The following DDX60 variants were observed in gnomAD, a reference collection of about 807,000 sequenced individuals.
DDX60 encodes the protein probable ATP-dependent RNA helicase DDX60.
In DDX60, 165 loss-of-function variants were observed where a neutral mutation model predicts 212.8. The ratio of observed to expected loss-of-function variants is 0.78; its 90% CI spans 0.68 to 0.88. The LOEUF is 0.88. Among genes scored for constraint, DDX60 ranks in the 40% least tolerant of loss-of-function variants. DDX60 has a pLI of 0.00. For synonymous variants in DDX60, 703 were observed against 685.3 expected, an observed-to-expected ratio of 1.03 and a Z score of -0.40; for missense variants, 1,905 against 2,003.9, an observed-to-expected ratio of 0.95 and a Z score of 0.94.
At chr4:168,250,688 G>A (rs985473964) in intron 28 of DDX60, among the ~76,000 whole-genome samples, 5 of 102,356 alleles carry the variant, frequency 4.9e-5, no homozygotes, top group Non-Finnish European at 9.7e-5. Flanking sequence ...ACCACGCCCG[G>A]CTAATTTTTG....
intron 26 of DDX60, 98 bp from the exon 27 acceptor site, chr4:168,252,754 G>T: frequency 1.2e-6 from 1 of 842,122 alleles, no homozygotes; most frequent in Non-Finnish European, 1.8e-6. Context: ...GACTTCCCAA[G>T]TCAGTCTTCT....
At chr4:168,256,564 C>T (rs1734420062) in intron 25 of DDX60, among the ~76,000 whole-genome samples, 1 of 152,142 alleles carries the variant, frequency 6.6e-6, no homozygotes, top group South Asian at 2.1e-4. Flanking sequence ...AGACAAATGG[C>T]TGCAGATCAA....
Position 168,258,527 on chromosome 4 carries a change from ATCC to A in DDX60, c.3398+2335_3398+2337del, listed in dbSNP as rs766972641. Among the ~76,000 whole-genome samples the A allele has an allele frequency of 2.0e-5, 3 of 152,224 alleles. 1 individual carries two copies. Among genetic ancestry groups the A allele is most frequent in the South Asian group, 4.1e-4 (2 of 4,826 alleles). On this transcript the variant is annotated intron_variant, in intron 25 of 37. Transcript: ENST00000393743. ...AGAGGTAAAACTTGAGCCCAGAAAA[ATCC>A]TCAGATCTCTTGATGATCTGGGATC...
intron 30 of DDX60, 104 bp downstream of exon 30, chr4:168,246,314 T>G: frequency 2.3e-6 from 3 of 1,316,116 alleles, no homozygotes. Flanking sequence ...AAAAGACTGA[T>G]GAAACTCAAG....
intron 5 of DDX60, among the ~76,000 whole-genome samples, chr4:168,304,754 C>T (rs1736803343): frequency 6.6e-6 from 1 of 151,992 alleles, no homozygotes; most frequent in South Asian, 2.1e-4. Flanking sequence ...TGTGTTTGTA[C>T]AGCTGTCAAA....
intron 6 of DDX60, among the ~76,000 whole-genome samples, chr4:168,299,157 C>CAAAAAAAAAAAAAAAAAAAA (rs1197872492): frequency 1.6e-5 from 1 of 61,924 alleles, no homozygotes; most frequent in Non-Finnish European, 2.9e-5. Flanking sequence ...GAGACTGTCT[C>CAAAAAAAAAAAAAAAAAAAA]AAAAAAAAAA....
upstream of DDX60, among the ~76,000 whole-genome samples, chr4:168,322,837 G>A (rs567662641): frequency 6.6e-5 from 10 of 152,312 alleles, 1 homozygote; most frequent in East Asian, 1.9e-3. Flanking sequence ...GGAGCAAAGT[G>A]AAAAAGCAGG....
intron 24 of DDX60, 63 bp downstream of exon 24, chr4:168,261,937 T>G: frequency 6.5e-7 from 1 of 1,535,656 alleles, no homozygotes; most frequent in Non-Finnish European, 8.7e-7. Flanking sequence ...TGGTATTAAC[T>G]GAATGATATA....
At chr4:168,317,921 C>T (rs1034561400) in intron 1 of DDX60, among the ~76,000 whole-genome samples, 1 of 152,156 alleles carries the variant, frequency 6.6e-6, no homozygotes, top group African/African-American at 2.4e-5. Context: ...CTTCCAACAA[C>T]CTGAATGAGC....
chr4:168,267,150 A>C (rs1474964403), intron 22 of DDX60, among the ~76,000 whole-genome samples: 1 of 152,190 alleles, frequency 6.6e-6, no homozygotes, highest in Non-Finnish European at 1.5e-5. Context: ...CACCAAAAAA[A>C]TCATGTCGTG....
chr4:168,278,549 G>A (rs940452185), intron 14 of DDX60, among the ~76,000 whole-genome samples: 1 of 152,190 alleles, frequency 6.6e-6, no homozygotes, highest in Admixed American at 6.5e-5. Context: ...AGCGGGCCGG[G>A]CTCAGTGGCT....
intron 10 of DDX60, among the ~76,000 whole-genome samples, chr4:168,286,427 T>C (rs1320063365): frequency 4.3e-3 from 188 of 43,298 alleles, no homozygotes; most frequent in African/African-American, 0.028. Context: ...CCACACGAGA[T>C]AGATAGATAG....
chr4:168,217,029 A>C lies in DDX60; in HGVS notation c.5043T>G (p.Val1681=). 1 of 1,602,240 alleles carries C rather than the reference A, an allele frequency of 6.2e-7. No individual in the cohort carries two copies. Among genetic ancestry groups the C allele is most frequent in the Non-Finnish European group, 8.5e-7 (1 of 1,175,444 alleles). Residue 1681 remains valine (V), a synonymous_variant, in exon 38 of 38, where the codon GTT becomes GTG. Transcript: ENST00000393743. ...CATTTTCACATAGCTCACGCAAGGAAACACTGGAAATGGGGAAAAAAATAT... is the reference window on the plus strand; with the variant it reads ...CATTTTCACATAGCTCACGCAAGGACACACTGGAAATGGGGAAAAAAATAT... The part of the protein sequence containing the change: ...DFALTIKSIS[V]SLRELCENED...
intron 29 of DDX60, 111 bp from the exon 30 acceptor site, chr4:168,246,729 T>C (rs1351445688): frequency 8.8e-7 from 1 of 1,135,164 alleles, no homozygotes; most frequent in African/African-American, 1.5e-5. Flanking sequence ...TGCATATGTC[T>C]AACCATTAAG....
At chr4:168,223,379 G>A (rs1733133369) in intron 35 of DDX60, among the ~76,000 whole-genome samples, 1 of 152,012 alleles carries the variant, frequency 6.6e-6, no homozygotes, top group African/African-American at 2.4e-5. Flanking sequence ...TTTGTATAAA[G>A]TGAGTTGGGT....
At chr4:168,274,135 A>C in intron 16 of DDX60, 52 bp from the exon 17 acceptor site, 1 of 1,607,008 alleles carries the variant, frequency 6.2e-7, no homozygotes. Context: ...GTATGTTACC[A>C]AAACAAAGAC....
intron 26 of DDX60, 83 bp from the exon 27 acceptor site, chr4:168,252,739 C>T: frequency 2.1e-6 from 2 of 971,452 alleles, no homozygotes; most frequent in Non-Finnish European, 1.5e-6. Context: ...CCAGAGGATG[C>T]CCAAGACTTC....
At chr4:168,312,271 T>A (rs919113696) in intron 1 of DDX60, among the ~76,000 whole-genome samples, 2 of 152,166 alleles carry the variant, frequency 1.3e-5, no homozygotes, top group African/African-American at 2.4e-5. Flanking sequence ...GCGGCATTTG[T>A]GAACCACCTG....
chr4:168,320,790 G>A (rs1428747979), upstream of DDX60, among the ~76,000 whole-genome samples: 3 of 152,200 alleles, frequency 2.0e-5, no homozygotes, highest in South Asian at 2.1e-4. Context: ...CATGAGGTGT[G>A]TACTATGATT....
Sources: gnomAD v4.1 joint callset for allele counts (sites outside exome capture counted in the v4.1 genomes callset) on GRCh38, gnomAD v4.1.1 for gene constraint, MANE v1.5 for transcripts, NCBI Gene and HGNC (gene_info 2026-07-23, HGNC 2026-07-21) for gene names.